Variants in CC2D2B observed in about 807,000 individuals in gnomAD.
The protein encoded by CC2D2B is coiled-coil and C2 domain containing 2B.
Under a neutral mutation model 161.2 loss-of-function variants are expected in CC2D2B, and 128 were observed. The observed-to-expected ratio is 0.79, with a 90% CI of 0.69 to 0.92. The LOEUF (loss-of-function observed/expected upper bound fraction) is 0.92, where lower values mean the gene tolerates loss of function less well. Among genes scored for constraint, CC2D2B ranks in the 40% least tolerant of loss-of-function variants. CC2D2B has a pLI of 0.00. For missense variants in CC2D2B, 1,173 were observed against 1,375.1 expected (o/e 0.85, Z 2.32); for synonymous variants, 391 against 449.8 (o/e 0.87, Z 1.65).
rs1436556778 is a variant in CC2D2B, at chr10:96,012,340, T to A, written c.3201T>A (p.Tyr1067Ter). 1.4e-6 allele frequency: 1 copy of A among 701,710 alleles called. No homozygotes were observed. The highest frequency in any genetic ancestry group is 2.1e-5 in the Admixed American group (1 of 48,016). 43.5% of individuals were successfully genotyped at this position (701,710 alleles called of 1,614,324 possible). A position where few individuals can be genotyped will look rare whatever the true frequency, so the allele number is the denominator to read the frequency against. ...CTACCATTGAACCTCAAATATCATATGTCACCTGTAATCCAACACTAGATA... is the reference window on the plus strand; with the variant it reads ...CTACCATTGAACCTCAAATATCATAAGTCACCTGTAATCCAACACTAGATA... ...IFATIEPQIS[Y>*]VTCNPTLDKF... Residue 1067 changes from tyrosine to a stop codon, truncating the protein, a stop_gained, in exon 27 of 35, where the codon TAT becomes TAA. Coordinates refer to ENST00000646931, the MANE Select transcript of CC2D2B (RefSeq NM_001349008.3). LOFTEE classifies it high-confidence loss of function.
intron 2 of CC2D2B, among the ~76,000 whole-genome samples, chr10:95,912,745 C>A (rs1401241803): frequency 2.0e-5 from 3 of 152,078 alleles, no homozygotes; most frequent in African/African-American, 7.2e-5. Context: ...AATACATGAA[C>A]ACTAAGAACT....
intron 6 of CC2D2B, among the ~76,000 whole-genome samples, chr10:95,927,593 T>C (rs1278891878): frequency 8.0e-6 from 1 of 125,428 alleles, no homozygotes; most frequent in Non-Finnish European, 1.7e-5. Context: ...GCATTATGCT[T>C]ATCTTTACAG....
At chr10:95,995,698 A>G (rs544775447) in intron 23 of CC2D2B, among the ~76,000 whole-genome samples, 2 of 152,318 alleles carry the variant, frequency 1.3e-5, no homozygotes, top group African/African-American at 4.8e-5. Context: ...TTTGCCTGGA[A>G]TGGCCTCGAC....
Position 96,026,367 on chromosome 10 carries a change from C to T in CC2D2B, c.3948-845C>T, listed in dbSNP as rs189753098. On this transcript the variant is annotated intron_variant, in intron 33 of 34. Transcript: ENST00000646931. ...ATATATATGGGTAACAATGCCTGCC[C>T]TTATGGAGCTTACATTCAAATAGGG... 2.2e-3 allele frequency among the ~76,000 whole-genome samples: 332 copies of T among 152,234 alleles called. 1 individual carries two copies. The highest frequency in any genetic ancestry group is 7.8e-3 in the African/African-American group (324 of 41,556).
intron 19 of CC2D2B, chr10:95,984,515 A>G (rs1256571719): frequency 6.6e-6 from 1 of 152,234 alleles, no homozygotes; most frequent in African/African-American, 2.4e-5. Flanking sequence ...AATAAATAAA[A>G]ACAGATAAAA....
chr10:95,968,555 G>T (rs1038894761), intron 14 of CC2D2B, among the ~76,000 whole-genome samples, 169 bp from the exon 15 acceptor site: 1 of 151,930 alleles, frequency 6.6e-6, no homozygotes, highest in African/African-American at 2.4e-5. Flanking sequence ...CATTTGACTG[G>T]GAAGAAGAAA....
At chr10:95,921,820 A>G (rs1209716768) in intron 2 of CC2D2B, among the ~76,000 whole-genome samples, 196 bp from the exon 3 acceptor site, 2 of 152,014 alleles carry the variant, frequency 1.3e-5, no homozygotes, top group Non-Finnish European at 2.9e-5. Context: ...TGGGGGAGGG[A>G]TAGCATTAGG....
chr10:95,908,085 T>G (rs1019069458), intron 1 of CC2D2B, 28 bp downstream of exon 1: 2 of 152,346 alleles, frequency 1.3e-5, no homozygotes, highest in African/African-American at 4.8e-5. Flanking sequence ...GGTGAAGGTT[T>G]CTCTGATTCT....
At chr10:95,911,397 C>A in intron 2 of CC2D2B, 38 bp downstream of exon 2, 1 of 229,182 alleles carries the variant, frequency 4.4e-6, no homozygotes, top group South Asian at 1.6e-4. Flanking sequence ...TTTGATTATT[C>A]CAAATAGCCC....
chr10:95,922,326 T>C (rs752602533), intron 3 of CC2D2B, among the ~76,000 whole-genome samples: 1 of 152,210 alleles, frequency 6.6e-6, no homozygotes, highest in East Asian at 1.9e-4. Flanking sequence ...GGTGAGACTG[T>C]TTTAGACCAC....
rs933842656 is a variant in CC2D2B at position 95,968,716 on chromosome 10, A to AT, written c.1467-3dup. On this transcript the variant is annotated splice_polypyrimidine_tract_variant and splice_region_variant and intron_variant, in intron 14 of 34. Transcript: ENST00000646931. Reference sequence around the variant, plus strand: ...TAAGGGTGATTTAAAGGTTTGTTTAATTTTTAGGCATGAACAAAAAAGAAG... The same window carrying AT: ...TAAGGGTGATTTAAAGGTTTGTTTAATTTTTTAGGCATGAACAAAAAAGAAG... 11 of 1,163,190 alleles carry AT rather than the reference A, an allele frequency of 9.5e-6. No homozygotes were observed. The African/African-American group carries it at 1.6e-4, about 17-fold the overall frequency. 72.1% of individuals were successfully genotyped at this position (1,163,190 alleles called of 1,614,324 possible).
chr10:96,003,476 T>C (rs1340011855), intron 24 of CC2D2B, among the ~76,000 whole-genome samples: 2 of 152,066 alleles, frequency 1.3e-5, no homozygotes, highest in African/African-American at 4.8e-5. Context: ...TGGAGTGCAG[T>C]GGCGTGATCT....
intron 6 of CC2D2B, among the ~76,000 whole-genome samples, chr10:95,931,751 T>TA (rs1199130408): frequency 2.6e-5 from 4 of 152,218 alleles, no homozygotes; most frequent in South Asian, 2.1e-4. Flanking sequence ...GAGAGACTGT[T>TA]ACGATTTCCA....
intron 6 of CC2D2B, among the ~76,000 whole-genome samples, chr10:95,935,724 C>T (rs577177278): frequency 9.9e-5 from 15 of 152,212 alleles, no homozygotes; most frequent in East Asian, 1.9e-4. Flanking sequence ...TTTCCTTTTC[C>T]GTAAGCTGTG....
intron 11 of CC2D2B, among the ~76,000 whole-genome samples, chr10:95,961,141 G>T (rs1336262333): frequency 6.6e-6 from 1 of 152,178 alleles, no homozygotes; most frequent in Non-Finnish European, 1.5e-5. Context: ...TAGATAGCAA[G>T]CACAATTATC....
chr10:95,996,312 C>A (rs1365340751), intron 24 of CC2D2B, 60 bp downstream of exon 24: 42 of 749,076 alleles, frequency 5.6e-5, no homozygotes, highest in Admixed American at 8.5e-5. Flanking sequence ...AAATTATTTT[C>A]TTGAGCCACT....
chr10:95,916,279 G>A (rs2098516198), intron 2 of CC2D2B, among the ~76,000 whole-genome samples: 1 of 151,490 alleles, frequency 6.6e-6, no homozygotes, highest in Non-Finnish European at 1.5e-5. Context: ...TATTTATTTG[G>A]GTTTTCTCTC....
chr10:95,975,474 G>C (rs777594489), intron 17 of CC2D2B, among the ~76,000 whole-genome samples: 1 of 152,038 alleles, frequency 6.6e-6, no homozygotes, highest in Admixed American at 6.6e-5. Context: ...AATAACAGAA[G>C]ACAAAAGAAT....
At chr10:95,996,888 C>G (rs1041609714) in intron 24 of CC2D2B, among the ~76,000 whole-genome samples, 2 of 152,108 alleles carry the variant, frequency 1.3e-5, no homozygotes, top group African/African-American at 4.8e-5. Flanking sequence ...AGAGCTCCAC[C>G]CTTATGAATA....
Sources: allele counts gnomAD v4.1 joint callset (sites outside exome capture counted in the v4.1 genomes callset), GRCh38; gene constraint gnomAD v4.1.1; transcripts MANE v1.5; gene names NCBI Gene and HGNC (gene_info 2026-07-23, HGNC 2026-07-21).